The following GRAMD1A variants were observed in gnomAD, a reference collection of about 807,000 sequenced individuals.
The protein encoded by GRAMD1A is GRAM domain containing 1A.
GRAMD1A carries 50 observed loss-of-function variants against 92.0 expected under a neutral mutation model. The observed-to-expected ratio is 0.54, with a 90% CI of 0.43 to 0.69. The LOEUF (loss-of-function observed/expected upper bound fraction) is 0.69. GRAMD1A is among the 30% of genes least tolerant of loss of function. The pLI is 0.00. For missense variants in GRAMD1A, 819 were observed against 978.9 expected (o/e 0.84, Z 2.18); for synonymous variants, 405 against 403.6 (o/e 1.00, Z -0.04).
At position 35,010,708 on chromosome 19, in the gene GRAMD1A, T is replaced by C. The variant is rs1600296576; in HGVS notation, c.525+329T>C. On this transcript the variant is annotated intron_variant, in intron 6 of 19. Transcript: ENST00000317991. Reference sequence around the variant, plus strand: ...CCCTGTCATTGTGGCCTCATGTCCGTTGGTTGCAAGATGGCTTTCTCACCA... The same window carrying C: ...CCCTGTCATTGTGGCCTCATGTCCGCTGGTTGCAAGATGGCTTTCTCACCA... 6.1e-5 allele frequency: 33 copies of C among 539,796 alleles called. No homozygotes were observed. The East Asian group carries it at 8.9e-4, about 15-fold the overall frequency. The allele number at this position is 539,796 out of a possible 1,614,324, so 33.4% of individuals were successfully genotyped here. A position where few individuals can be genotyped will look rare whatever the true frequency, so the allele number is the denominator to read the frequency against.
In GRAMD1A at chr19:35,023,425, A is replaced by T; in HGVS notation, c.1962-2A>T. On this transcript the variant is annotated splice_acceptor_variant, in intron 18 of 19. Transcript: ENST00000317991. LOFTEE classifies it high-confidence loss of function. ...CCCTGCTCAGGCCTGGCATCCCCAC[A>T]GCAAGTTCCCCCAGACGGCCACAGA... is the stretch of plus-strand genomic sequence containing the variant. The T allele has an allele frequency of 6.3e-7, 1 of 1,596,170 alleles. No individual in the cohort carries two copies. The highest frequency in any genetic ancestry group is 8.5e-7 in the Non-Finnish European group (1 of 1,170,646).
chr19:35,010,043 C>T (rs914057026), intron 4 of GRAMD1A, 49 bp from the exon 5 acceptor site: 4 of 1,537,508 alleles, frequency 2.6e-6, no homozygotes, highest in Non-Finnish European at 3.6e-6. Context: ...CGGGCGCCGG[C>T]TGAGCCTCGT....
Position 35,019,328 on chromosome 19 carries a change from C to T in GRAMD1A, c.1332+19C>T. The T allele has an allele frequency of 6.2e-7, 1 of 1,612,164 alleles. No homozygotes were observed. The highest frequency in any genetic ancestry group is 2.2e-5 in the East Asian group (1 of 44,854). On this transcript the variant is annotated intron_variant, in intron 12 of 19. Coordinates refer to ENST00000317991, the MANE Select transcript of GRAMD1A (RefSeq NM_020895.5). ...GACACAGGTGGGCCAGGTGGGGCAG[C>T]CGAGTGGGTGGGGCAGCTGGGTGAG...
intron 1 of GRAMD1A, among the ~76,000 whole-genome samples, chr19:35,006,355 C>G (rs1028887589): frequency 6.6e-6 from 1 of 152,122 alleles, no homozygotes; most frequent in Non-Finnish European, 1.5e-5. Context: ...AAACCAGGCC[C>G]GTATCCTATG....
chr19:35,020,462 T>C (rs2015966419), intron 13 of GRAMD1A, among the ~76,000 whole-genome samples: 1 of 151,872 alleles, frequency 6.6e-6, no homozygotes, highest in Non-Finnish European at 1.5e-5. Context: ...CACTTGAACC[T>C]AGGAGGTGGA....
chr19:35,021,326 G>A lies in GRAMD1A; in HGVS notation c.1476-176G>A, dbSNP rs1386845544. Reference sequence around the variant, plus strand: ...GAGTTGGCTGGCATTTGGGCTGGGCGGGTGGTGTATGGGGTATCCAGGGAA... The same window carrying A: ...GAGTTGGCTGGCATTTGGGCTGGGCAGGTGGTGTATGGGGTATCCAGGGAA... On this transcript the variant is annotated intron_variant, in intron 13 of 19. Coordinates refer to ENST00000317991, the MANE Select transcript of GRAMD1A (RefSeq NM_020895.5). This position sits in a 1 kb window ranked among gnomAD's most constrained non-coding sequence, Gnocchi z 5.3. 3.3e-5 allele frequency among the ~76,000 whole-genome samples: 5 copies of A among 152,160 alleles called. No individual in the cohort carries two copies. The highest frequency in any genetic ancestry group is 5.9e-5 in the Non-Finnish European group (4 of 68,020).
chr19:35,021,666 C>T lies in GRAMD1A; in HGVS notation c.1580-25C>T, dbSNP rs573346200. The T allele has an allele frequency of 2.5e-6, 4 of 1,613,968 alleles. No homozygotes were observed. The highest frequency in any genetic ancestry group is 1.6e-4 in the Middle Eastern group (1 of 6,062). ...GGATGGCCTGGCCAGGTATGGACAT[C>T]CAGAGCCCCCTCTCTTTTACGCAGA... On this transcript the variant is annotated intron_variant, in intron 14 of 19. Coordinates refer to ENST00000317991, the MANE Select transcript of GRAMD1A (RefSeq NM_020895.5). This position sits in a 1 kb window ranked among gnomAD's most constrained non-coding sequence, Gnocchi z 5.3.
chr19:35,009,947 C>A lies in GRAMD1A; in HGVS notation c.300C>A (p.Leu100=), dbSNP rs1467198435. 6.2e-7 allele frequency: 1 copy of A among 1,611,712 alleles called. No individual in the cohort carries two copies. Among genetic ancestry groups the A allele is most frequent in the African/African-American group, 1.3e-5 (1 of 74,856 alleles). Residue 100 remains leucine (L), a synonymous_variant, in exon 4 of 20, where the codon CTC becomes CTA. Coordinates refer to ENST00000317991, the MANE Select transcript of GRAMD1A (RefSeq NM_020895.5). ...ACTTCCGGAAACTGTTCAGCAAACT[C>A]CCCGAAGCAGAACGCCTCATTGTGG... ...NEDFRKLFSK[L]PEAERLIVDY...
chr19:35,009,694 C>G (rs892179972), intron 3 of GRAMD1A, 194 bp from the exon 4 acceptor site: 2 of 633,478 alleles, frequency 3.2e-6, no homozygotes, highest in Non-Finnish European at 2.8e-6. Flanking sequence ...GTCAGTGATG[C>G]TGGTGGGTGC....
chr19:35,024,701 A>G (rs552373968), intron 19 of GRAMD1A, among the ~76,000 whole-genome samples: 1 of 145,024 alleles, frequency 6.9e-6, no homozygotes, highest in East Asian at 2.3e-4. Context: ...CACACTGGAA[A>G]GGGCGGGGCA....
rs752203658 is a variant in GRAMD1A, at chr19:35,019,322, G to C, written c.1332+13G>C. ...GGTGGAGACACAGGTGGGCCAGGTGGGGCAGCCGAGTGGGTGGGGCAGCTG... is the reference window on the plus strand; with the variant it reads ...GGTGGAGACACAGGTGGGCCAGGTGCGGCAGCCGAGTGGGTGGGGCAGCTG... On this transcript the variant is annotated intron_variant, in intron 12 of 19. Transcript: ENST00000317991. 1.9e-6 allele frequency: 3 copies of C among 1,612,208 alleles called. No individual in the cohort carries two copies. The Admixed American group carries it at 5.0e-5, about 27-fold the overall frequency.
At chr19:35,024,108 T>C (rs191749786) in intron 19 of GRAMD1A, among the ~76,000 whole-genome samples, 23 of 152,300 alleles carry the variant, frequency 1.5e-4, no homozygotes, top group Admixed American at 1.5e-3. Context: ...CCCAGTGTAG[T>C]TCAGGGACAA....
chr19:35,018,176 C>T (rs1468993557), intron 11 of GRAMD1A, among the ~76,000 whole-genome samples: 3 of 152,026 alleles, frequency 2.0e-5, no homozygotes, highest in African/African-American at 7.2e-5. Flanking sequence ...TTAGTAGAGA[C>T]GGGGTTTCAC....
chr19:35,002,032 G>A (rs2014411060), intron 1 of GRAMD1A, among the ~76,000 whole-genome samples: 1 of 152,106 alleles, frequency 6.6e-6, no homozygotes, highest in Non-Finnish European at 1.5e-5. Flanking sequence ...ATTCCCTTGT[G>A]TATTCCTTTG....
intron 11 of GRAMD1A, among the ~76,000 whole-genome samples, chr19:35,018,144 C>A (rs945279585): frequency 6.6e-6 from 1 of 152,114 alleles, no homozygotes; most frequent in South Asian, 2.1e-4. Flanking sequence ...CCCACCGTCA[C>A]GCCCAGCTAA....
chr19:35,020,108 G>A (rs563503553), intron 13 of GRAMD1A, among the ~76,000 whole-genome samples: 3 of 152,262 alleles, frequency 2.0e-5, no homozygotes, highest in African/African-American at 4.8e-5. Flanking sequence ...GTGGTGAACC[G>A]GGGCCCGGCA....
chr19:35,018,148 C>A (rs2862196), intron 11 of GRAMD1A, among the ~76,000 whole-genome samples: 55,560 of 151,692 alleles, frequency 0.37, 10,335 homozygotes, highest in Middle Eastern at 0.48. Flanking sequence ...CCGTCACGCC[C>A]AGCTAATTTT....
In GRAMD1A at chr19:35,024,161, C is replaced by T. The variant is rs1043156548; in HGVS notation, c.2082+614C>T. Among the ~76,000 whole-genome samples, 5 of 152,216 alleles carry T rather than the reference C, an allele frequency of 3.3e-5. No homozygotes were observed. The East Asian group carries it at 5.8e-4, about 18-fold the overall frequency. ...AGGTTCCAATTCCGGTGTGTGACCTCGTGCAAGTGATTTTGCCATGGTGGC... is the reference window on the plus strand; with the variant it reads ...AGGTTCCAATTCCGGTGTGTGACCTTGTGCAAGTGATTTTGCCATGGTGGC... On this transcript the variant is annotated intron_variant, in intron 19 of 19. Coordinates refer to ENST00000317991, the MANE Select transcript of GRAMD1A (RefSeq NM_020895.5).
chr19:35,026,378 G>A lies in GRAMD1A; in HGVS notation c.*237G>A. 1.7e-6 allele frequency: 1 copy of A among 579,952 alleles called. No homozygotes were observed. The highest frequency in any genetic ancestry group is 2.1e-5 in the South Asian group (1 of 47,240). 35.9% of individuals were successfully genotyped at this position (579,952 alleles called of 1,614,324 possible). The stretch of plus-strand genomic sequence containing the variant: ...TTTTGCCCGGCTGAGGTTGTGGGGG[G>A]CGCCTCCTGGGGTGCACGATTCCCT... On this transcript the variant is annotated 3_prime_UTR_variant, in exon 20 of 20. Transcript: ENST00000317991.
Sources: allele counts gnomAD v4.1 joint callset (sites outside exome capture counted in the v4.1 genomes callset), GRCh38; gene constraint gnomAD v4.1.1; non-coding constraint Gnocchi (gnomAD v3.1); transcripts MANE v1.5; gene names NCBI Gene and HGNC (gene_info 2026-07-23, HGNC 2026-07-21).